FRMD4B: variants seen among roughly 807,000 people sequenced by gnomAD.
FRMD4B encodes FERM domain containing 4B.
FRMD4B carries 74 observed loss-of-function variants against 141.5 expected under a neutral mutation model. The observed-to-expected ratio is 0.52, with a 90% CI of 0.43 to 0.63. FRMD4B has a LOEUF of 0.63. Ranked by LOEUF, FRMD4B falls within the 30% of genes least tolerant of loss-of-function variation. The pLI is 0.00. For missense variants in FRMD4B, 1,366 were observed against 1,253.4 expected (o/e 1.09, Z -1.36); for synonymous variants, 506 against 467.9 (o/e 1.08, Z -1.05).
intron 22 of FRMD4B, among the ~76,000 whole-genome samples, chr3:69,173,892 A>T (rs1468855772): frequency 6.6e-6 from 1 of 152,208 alleles, no homozygotes; most frequent in Non-Finnish European, 1.5e-5. Flanking sequence ...TAATCCCAGC[A>T]CTTTGGGAGG....
intron 1 of FRMD4B, among the ~76,000 whole-genome samples, chr3:69,373,930 T>C (rs1361433129): frequency 6.6e-6 from 1 of 152,154 alleles, no homozygotes; most frequent in East Asian, 1.9e-4. Context: ...CCTAGTGAAA[T>C]CTTCATTTAG....
chr3:69,249,180 C>T (rs774432262), intron 7 of FRMD4B, 46 bp downstream of exon 7: 2 of 1,222,400 alleles, frequency 1.6e-6, no homozygotes, highest in Admixed American at 2.0e-5. Context: ...TAAAATGATT[C>T]TTTAGGGTTA....
intron 1 of FRMD4B, among the ~76,000 whole-genome samples, chr3:69,495,222 G>A (rs1706365320): frequency 6.6e-6 from 1 of 152,164 alleles, no homozygotes; most frequent in Non-Finnish European, 1.5e-5. Flanking sequence ...CTTTACTGTA[G>A]AGACAAGAAC....
At chr3:69,503,009 A>G (rs1203580920) in intron 1 of FRMD4B, among the ~76,000 whole-genome samples, 7 of 152,296 alleles carry the variant, frequency 4.6e-5, no homozygotes, top group East Asian at 3.9e-4. Context: ...CAGTTAGAAT[A>G]GCGATCATTA....
chr3:69,265,895 G>C (rs920205777), intron 5 of FRMD4B, among the ~76,000 whole-genome samples: 7 of 152,040 alleles, frequency 4.6e-5, no homozygotes, highest in African/African-American at 1.7e-4. Flanking sequence ...GTCTTATCAT[G>C]TCATAAAATA....
intron 11 of FRMD4B, among the ~76,000 whole-genome samples, chr3:69,203,646 G>A (rs113188083): frequency 0.014 from 2,101 of 152,258 alleles, 72 homozygotes; most frequent in East Asian, 0.072. Context: ...TAACTTTCCT[G>A]AATCTCAGTG....
intron 7 of FRMD4B, among the ~76,000 whole-genome samples, chr3:69,233,581 A>T (rs2093325740): frequency 6.6e-6 from 1 of 152,044 alleles, no homozygotes; most frequent in Non-Finnish European, 1.5e-5. Flanking sequence ...GTGTATGTGG[A>T]TGTAAAAATG....
intron 1 of FRMD4B, among the ~76,000 whole-genome samples, chr3:69,364,166 G>A (rs1316667178): frequency 6.6e-6 from 1 of 152,214 alleles, no homozygotes; most frequent in Non-Finnish European, 1.5e-5. Context: ...CCCACAGGGA[G>A]CAAAGTAACA....
Position 69,307,630 on chromosome 3 carries a change from C to T in FRMD4B, c.323+3633G>A, listed in dbSNP as rs190106301. Among the ~76,000 whole-genome samples the T allele has an allele frequency of 1.8e-3, 273 of 152,292 alleles. 1 individual carries two copies. The highest frequency in any genetic ancestry group is 6.4e-3 in the African/African-American group (265 of 41,558). ...TTGAGATTACAGGCGTGAGCCACCA[C>T]ACCCGGCCTACTATTTCTTTTCTTT... On this transcript the variant is annotated intron_variant, in intron 3 of 22. Transcript: ENST00000398540.
intron 1 of FRMD4B, among the ~76,000 whole-genome samples, chr3:69,499,215 G>A (rs1033395026): frequency 6.6e-6 from 1 of 152,110 alleles, no homozygotes; most frequent in Non-Finnish European, 1.5e-5. Context: ...GGGTGTAATT[G>A]GGGTCCAAGA....
intron 4 of FRMD4B, among the ~76,000 whole-genome samples, chr3:69,301,090 T>C (rs577652417): frequency 2.1e-4 from 32 of 152,172 alleles, no homozygotes; most frequent in Middle Eastern, 3.4e-3. Context: ...CTTAAATAAA[T>C]AGATTTTTAC....
chr3:69,280,331 A>G lies in FRMD4B; in HGVS notation c.501+7421T>C, dbSNP rs2093638984. On this transcript the variant is annotated intron_variant, in intron 5 of 22. Transcript: ENST00000398540. Reference sequence around the variant, plus strand: ...AACAACAATCCAGACAGCAGCATGCACTCTCCTCTGAAATGCTTGACCCAC... The same window carrying G: ...AACAACAATCCAGACAGCAGCATGCGCTCTCCTCTGAAATGCTTGACCCAC... 2.6e-5 allele frequency among the ~76,000 whole-genome samples: 4 copies of G among 151,966 alleles called. No homozygotes were observed. In the South Asian group the frequency reaches 8.3e-4, roughly 32 times the overall value.
chr3:69,493,065 T>C (rs1223961344), intron 1 of FRMD4B, among the ~76,000 whole-genome samples: 1 of 152,188 alleles, frequency 6.6e-6, no homozygotes, highest in Non-Finnish European at 1.5e-5. Flanking sequence ...CTGGCAAACT[T>C]AAATATTATC....
chr3:69,176,633 T>A lies in FRMD4B; in HGVS notation c.2875A>T (p.Asn959Tyr). ...CCTATGGTTAACTGGGTCCTCCAGT[T>A]CCCAGAAGCATTTGTAGAAGACACT... is the stretch of plus-strand genomic sequence containing the variant. ...SSVSSTNASG[N>Y]WRTQLTIGLS... is the part of the protein sequence containing the mutation. The change falls in exon 22 of 23, where the codon AAC becomes TAC. Residue 959 changes from asparagine (N) to tyrosine (Y), a missense_variant. By Grantham distance (143) the Asn-to-Tyr change is moderately radical. Transcript: ENST00000398540. 6.2e-7 allele frequency: 1 copy of A among 1,604,644 alleles called. No individual in the cohort carries two copies. Among genetic ancestry groups the A allele is most frequent in the South Asian group, 1.1e-5 (1 of 90,840 alleles).
chr3:69,505,070 C>T (rs537133659), intron 1 of FRMD4B, among the ~76,000 whole-genome samples: 243 of 120,212 alleles, frequency 2.0e-3, no homozygotes, highest in African/African-American at 7.6e-3. Flanking sequence ...AAGGACACTC[C>T]CAAAGGAAAC....
In FRMD4B at chr3:69,268,492, A is replaced by C. The variant is rs150585619; in HGVS notation, c.502-18393T>G. Among the ~76,000 whole-genome samples the C allele has an allele frequency of 5.7e-4, 86 of 152,180 alleles. No individual in the cohort carries two copies. In the South Asian group the frequency reaches 8.1e-3, roughly 14 times the overall value. ...TAAGATTACATACACAACAGATTTT[A>C]ATTACAGCATTCTAATTGCTTAAAC... On this transcript the variant is annotated intron_variant, in intron 5 of 22. Coordinates refer to ENST00000398540, the MANE Select transcript of FRMD4B (RefSeq NM_015123.3).
intron 1 of FRMD4B, among the ~76,000 whole-genome samples, chr3:69,354,739 G>A (rs564182812): frequency 2.0e-5 from 3 of 152,220 alleles, no homozygotes; most frequent in East Asian, 1.9e-4. Flanking sequence ...CTCAGAAACC[G>A]GGGAGTGGCT....
chr3:69,184,462 AC>A (rs1268018963), intron 19 of FRMD4B, among the ~76,000 whole-genome samples: 1 of 152,168 alleles, frequency 6.6e-6, no homozygotes, highest in African/African-American at 2.4e-5. Flanking sequence ...GTATGGATTT[AC>A]CATAATTTAT....
intron 3 of FRMD4B, among the ~76,000 whole-genome samples, chr3:69,305,918 T>C (rs1354465472): frequency 6.6e-6 from 1 of 152,214 alleles, no homozygotes; most frequent in Non-Finnish European, 1.5e-5. Context: ...CATTTTTAGA[T>C]ATATTTCTGG....
Sources: allele counts gnomAD v4.1 joint callset (sites outside exome capture counted in the v4.1 genomes callset), GRCh38; gene constraint gnomAD v4.1.1; transcripts MANE v1.5; gene names NCBI Gene and HGNC (gene_info 2026-07-23, HGNC 2026-07-21).